The following COMMD5 variants were observed in gnomAD, a reference collection of about 807,000 sequenced individuals.
The protein encoded by COMMD5 is COMM domain containing 5, also known as COMM domain-containing protein 5.
Under a neutral mutation model 6.9 loss-of-function variants are expected in COMMD5, and 10 were observed. The observed-to-expected ratio is 1.44, with a 90% CI of 0.89 to 2.45. The LOEUF (loss-of-function observed/expected upper bound fraction) is 2.45, where lower values mean the gene tolerates loss of function less well. COMMD5 is among the 30% of genes most tolerant of loss of function. The pLI, the probability that COMMD5 is intolerant of heterozygous loss-of-function variation, is 0.00. For synonymous variants in COMMD5, 127 were observed against 125.3 expected (o/e 1.01, Z -0.09); for missense variants, 234 against 287.8 (o/e 0.81, Z 1.35).
chr8:144,846,100 C>T (rs924790576), downstream of COMMD5: 1 of 1,535,932 alleles, frequency 6.5e-7, no homozygotes, highest in East Asian at 2.4e-5. Flanking sequence ...CTCCTGGGCT[C>T]TCGTCATCTC....
downstream of COMMD5, among the ~76,000 whole-genome samples, chr8:144,840,583 G>A (rs1048675160): frequency 4.6e-5 from 7 of 152,216 alleles, no homozygotes; most frequent in Non-Finnish European, 7.3e-5. Flanking sequence ...CCTCAGCAGA[G>A]GTGCCCTCTA....
rs767028266 is a variant in COMMD5 at position 144,842,387 on chromosome 8, G to A, written c.*117-644C>T. The A allele has an allele frequency of 2.4e-5, 38 of 1,613,814 alleles. No individual in the cohort carries two copies. Among genetic ancestry groups the A allele is most frequent in the Admixed American group, 1.5e-4 (9 of 60,002 alleles). On this transcript the variant is annotated intron_variant and NMD_transcript_variant, in intron 1 of 1. Transcript: ENST00000530332. ...GGGAAAGCTTTTAGGTGGATCTCTCGCCTGAGTCAGCATCAGCTGATTCAC... is the reference window on the plus strand; with the variant it reads ...GGGAAAGCTTTTAGGTGGATCTCTCACCTGAGTCAGCATCAGCTGATTCAC...
chr8:144,851,358 A>G lies in COMMD5; in HGVS notation c.-20T>C. On this transcript the variant is annotated 5_prime_UTR_variant, in exon 2 of 2. Transcript: ENST00000305103. Reference sequence around the variant, plus strand: ...AGACATTGCTGCTGCTTCCTCTTTGATCAGCCAGCCCAGGAGGTCGGTCCC... The same window carrying G: ...AGACATTGCTGCTGCTTCCTCTTTGGTCAGCCAGCCCAGGAGGTCGGTCCC... 6.3e-7 allele frequency: 1 copy of G among 1,589,436 alleles called. No homozygotes were observed. The highest frequency in any genetic ancestry group is 1.1e-5 in the South Asian group (1 of 88,016).
chr8:144,845,718 C>G (rs1830474823), downstream of COMMD5, among the ~76,000 whole-genome samples: 2 of 152,214 alleles, frequency 1.3e-5, no homozygotes, highest in Non-Finnish European at 2.9e-5. Context: ...TGACCTCCCA[C>G]CTGCCTCTTC....
rs766968055 is a variant in COMMD5, at chr8:144,851,347, C to T, written c.-9G>A. On this transcript the variant is annotated 5_prime_UTR_variant, in exon 2 of 2. Transcript: ENST00000305103. ...GCCCCCACAGCAGACATTGCTGCTG[C>T]TTCCTCTTTGATCAGCCAGCCCAGG... 6.3e-7 allele frequency: 1 copy of T among 1,596,122 alleles called. No individual in the cohort carries two copies. Among genetic ancestry groups the T allele is most frequent in the African/African-American group, 1.3e-5 (1 of 74,706 alleles).
At chr8:144,847,998 G>A (rs1162200938), downstream of COMMD5, among the ~76,000 whole-genome samples, 1 of 152,160 alleles carries the variant, frequency 6.6e-6, no homozygotes, top group East Asian at 1.9e-4. Flanking sequence ...CGCCAACCAT[G>A]CCTGGACTAA....
chr8:144,843,989 G>A (rs560949556), intron 1 of COMMD5, among the ~76,000 whole-genome samples: 1 of 152,258 alleles, frequency 6.6e-6, no homozygotes, highest in East Asian at 1.9e-4. Flanking sequence ...GAGGCAGGCT[G>A]GGCTAGCAGG....
chr8:144,840,287 C>CT (rs1829709836), downstream of COMMD5, among the ~76,000 whole-genome samples: 1 of 152,202 alleles, frequency 6.6e-6, no homozygotes, highest in African/African-American at 2.4e-5. Flanking sequence ...GTTGAAAGGG[C>CT]TTCCTGCTCT....
chr8:144,844,034 T>G (rs1333496633), intron 1 of COMMD5, among the ~76,000 whole-genome samples: 1 of 152,162 alleles, frequency 6.6e-6, no homozygotes. Flanking sequence ...TTGGCATTTA[T>G]GGAGCACATA....
downstream of COMMD5, among the ~76,000 whole-genome samples, chr8:144,849,564 G>T (rs1048353840): frequency 6.6e-6 from 1 of 152,116 alleles, no homozygotes; most frequent in Non-Finnish European, 1.5e-5. Context: ...GACTAGACAT[G>T]GTCCAGAAGT....
In COMMD5 at chr8:144,851,259, G is replaced by A. The variant is rs1262058392; in HGVS notation, c.80C>T (p.Ala27Val). 5 of 1,614,042 alleles carry A rather than the reference G, an allele frequency of 3.1e-6. No homozygotes were observed. Among genetic ancestry groups the A allele is most frequent in the Non-Finnish European group, 4.2e-6 (5 of 1,180,042 alleles). ...TGCTGCCACCTCTGGAGGAAGCTGG[G>A]CCCCCAAGAAACTCACTCGGCCACT... ...SHSGRVSFLG[A>V]QLPPEVAAMA... Residue 27 changes from alanine (A) to valine (V), a missense_variant, in exon 2 of 2, where the codon GCC (alanine) becomes GTC (valine). Coordinates refer to ENST00000305103, the MANE Select transcript of COMMD5 (RefSeq NM_014066.4).
downstream of COMMD5, among the ~76,000 whole-genome samples, chr8:144,845,559 T>C (rs1830465571): frequency 6.6e-6 from 1 of 152,200 alleles, no homozygotes; most frequent in Non-Finnish European, 1.5e-5. Flanking sequence ...TGCTCAACCC[T>C]AATCTAACAG....
chr8:144,838,434 C>T, downstream of COMMD5: 2 of 408,420 alleles, frequency 4.9e-6, no homozygotes, highest in South Asian at 7.8e-5. Flanking sequence ...CGGCCTGGTG[C>T]TCTGCTCCCC....
downstream of COMMD5, chr8:144,838,058 C>G (rs199738122): frequency 3.0e-4 from 205 of 672,546 alleles, 1 homozygote; most frequent in East Asian, 5.3e-3. Context: ...AGGGCCGTGC[C>G]CCCCTGTGAA....
chr8:144,847,078 T>A (rs533775509), downstream of COMMD5: 1 of 152,164 alleles, frequency 6.6e-6, no homozygotes, highest in African/African-American at 2.4e-5. Context: ...GCCAAGGGTG[T>A]GAGCACATGA....
chr8:144,845,855 G>A, downstream of COMMD5: 1 of 882,048 alleles, frequency 1.1e-6, no homozygotes, highest in Non-Finnish European at 1.7e-6. Flanking sequence ...CGTGGAGTAT[G>A]TGTGCAGTGT....
rs779190497 is a variant in COMMD5 at position 144,850,837 on chromosome 8, G to A, written c.502C>T (p.Leu168=). 5 of 1,613,788 alleles carry A rather than the reference G, an allele frequency of 3.1e-6. No homozygotes were observed. Among genetic ancestry groups the A allele is most frequent in the Non-Finnish European group, 4.2e-6 (5 of 1,180,000 alleles). The change falls in exon 2 of 2, where the codon CTG becomes TTG. Residue 168 remains leucine, a synonymous_variant. Transcript: ENST00000305103. The surrounding 1 kb of genome is among the most constrained non-coding windows in gnomAD (Gnocchi z 4.0). ...ACGCTCGGCTGCAGGGAGCGAGCCA[G>A]GGCACTGGTGGAGATTGCTACATCC... is the stretch of plus-strand genomic sequence containing the variant. ...RVDVAISTSA[L]ARSLQPSVLM...
chr8:144,843,030 G>A (rs776575162), intron 1 of COMMD5: 15 of 1,614,128 alleles, frequency 9.3e-6, no homozygotes, highest in South Asian at 3.3e-5. Context: ...ACTGTGAGAA[G>A]ATATTTAGGT....
chr8:144,845,393 T>G (rs1278286380), downstream of COMMD5, among the ~76,000 whole-genome samples: 1 of 151,924 alleles, frequency 6.6e-6, no homozygotes, highest in African/African-American at 2.4e-5. Flanking sequence ...CTCAGTTTTT[T>G]TTTTGCTGCT....
Sources: allele counts gnomAD v4.1 joint callset (sites outside exome capture counted in the v4.1 genomes callset), GRCh38; gene constraint gnomAD v4.1.1; non-coding constraint Gnocchi (gnomAD v3.1); transcripts MANE v1.5; gene names NCBI Gene and HGNC (gene_info 2026-07-23, HGNC 2026-07-21).